Variants in DNAH11 observed in about 807,000 individuals in gnomAD.
The protein encoded by DNAH11 is axonemal beta dynein heavy chain 11.
A neutral mutation model predicts 526.0 loss-of-function variants in DNAH11; 442 were observed. The observed-to-expected ratio is 0.84, with a 90% CI of 0.78 to 0.91. DNAH11 has a LOEUF of 0.91. Ranked by LOEUF, DNAH11 falls within the 40% of genes least tolerant of loss-of-function variation. The probability of loss-of-function intolerance (pLI) is 0.00; values close to 1 mark genes in which losing one functional copy is unlikely to be tolerated. For synonymous variants in DNAH11, 2,461 were observed against 1,935.9 expected (o/e 1.27, Z -7.12); for missense variants, 6,989 against 5,448.7 (o/e 1.28, Z -8.90).
chr7:21,846,016 A>C (rs772664681), intron 66 of DNAH11, among the ~76,000 whole-genome samples: 4 of 152,162 alleles, frequency 2.6e-5, no homozygotes, highest in African/African-American at 7.2e-5. Context: ...TTGTGTTTTA[A>C]ATTTCAAATT....
intron 30 of DNAH11, among the ~76,000 whole-genome samples, chr7:21,679,157 G>A (rs762004682): frequency 2.6e-5 from 4 of 151,868 alleles, no homozygotes; most frequent in Non-Finnish European, 5.9e-5. Context: ...GACAAATACT[G>A]CATAATCTCA....
chr7:21,870,014 C>T (rs1783435084), intron 73 of DNAH11, among the ~76,000 whole-genome samples: 1 of 152,176 alleles, frequency 6.6e-6, no homozygotes, highest in Admixed American at 6.5e-5. Flanking sequence ...CTGAGTCATG[C>T]AAAGGTTCTC....
At position 21,717,825 on chromosome 7, in the gene DNAH11, A is replaced by G; in HGVS notation, c.7034A>G (p.Asn2345Ser). Reference protein sequence around the residue: ...DRRRHQSEKANLTILFDKYVP... With the variant: ...DRRRHQSEKASLTILFDKYVP... ...AGGCGGCATCAATCAGAAAAGGCCA[A>G]TTTGACTATTCTTTTTGATAAATAT... Residue 2345 changes from asparagine (N) to serine (S), a missense_variant, in exon 43 of 82, where the codon AAT (asparagine) becomes AGT (serine). By Grantham distance (46) the Asn-to-Ser change is conservative. Transcript: ENST00000409508. 8 of 1,613,882 alleles carry G rather than the reference A, an allele frequency of 5.0e-6. No homozygotes were observed. The highest frequency in any genetic ancestry group is 1.1e-5 in the South Asian group (1 of 91,080).
intron 8 of DNAH11, among the ~76,000 whole-genome samples, chr7:21,573,619 C>G (rs1411051788): frequency 2.0e-5 from 3 of 152,070 alleles, no homozygotes; most frequent in African/African-American, 4.8e-5. Context: ...GTTCCTTGTA[C>G]TTTGACTTCA....
chr7:21,790,416 C>T (rs2127989094), intron 61 of DNAH11, among the ~76,000 whole-genome samples: 1 of 152,230 alleles, frequency 6.6e-6, no homozygotes, highest in East Asian at 1.9e-4. Context: ...CACCACTGCA[C>T]TCCAGCCTGG....
At chr7:21,619,929 C>G (rs939203528) in intron 24 of DNAH11, 27 bp from the exon 25 acceptor site, 1 of 1,294,714 alleles carries the variant, frequency 7.7e-7, no homozygotes, top group African/African-American at 1.9e-5. Flanking sequence ...AAATTTTGTG[C>G]ACATTAATTA....
rs1784818067 is a variant in DNAH11, at chr7:21,901,254, A to AGGTAACACTG, written c.*2_*11dup. ...GAGTGGCTCTGCTTCTAGAAGCGTA[A>AGGTAACACTG]GGTAACACTGGCATTCCTCTAGCCT... On this transcript the variant is annotated 3_prime_UTR_variant, in exon 82 of 82. Coordinates refer to ENST00000409508, the MANE Select transcript of DNAH11 (RefSeq NM_001277115.2). The AGGTAACACTG allele has an allele frequency of 1.2e-6, 2 of 1,600,482 alleles. No homozygotes were observed. Among genetic ancestry groups the AGGTAACACTG allele is most frequent in the Non-Finnish European group, 1.7e-6 (2 of 1,173,500 alleles).
In DNAH11 at chr7:21,637,596, T is replaced by G; in HGVS notation, c.4726-15T>G. ...TGTTCTAATATCCACGGCCCCGTATTGTACTTTCATGCAGGAGTTAATGTT... is the reference window on the plus strand; with the variant it reads ...TGTTCTAATATCCACGGCCCCGTATGGTACTTTCATGCAGGAGTTAATGTT... On this transcript the variant is annotated splice_polypyrimidine_tract_variant and intron_variant, in intron 26 of 81. Transcript: ENST00000409508. 1 of 1,519,296 alleles carries G rather than the reference T, an allele frequency of 6.6e-7. No homozygotes were observed. Among genetic ancestry groups the G allele is most frequent in the South Asian group, 1.2e-5 (1 of 84,220 alleles). The allele number at this position is 1,519,296 out of a possible 1,614,324, so 94.1% of individuals were successfully genotyped here. A position where few individuals can be genotyped will look rare whatever the true frequency, so the allele number is the denominator to read the frequency against.
At position 21,867,642 on chromosome 7, in the gene DNAH11, G is replaced by T. The variant is rs373273474; in HGVS notation, c.11691-217G>T. On this transcript the variant is annotated intron_variant, in intron 71 of 81. Transcript: ENST00000409508. ...AGTAGCCCCCCAAAATGGAATGTAG[G>T]CTTCTGATTTTCAGAGCTTCTAAGG... 1.2e-4 allele frequency among the ~76,000 whole-genome samples: 19 copies of T among 152,140 alleles called. 1 individual carries two copies. In the East Asian group the frequency reaches 2.5e-3, roughly 20 times the overall value.
chr7:21,642,010 T>C (rs1274833864), intron 28 of DNAH11, among the ~76,000 whole-genome samples: 1 of 151,848 alleles, frequency 6.6e-6, no homozygotes, highest in African/African-American at 2.4e-5. Flanking sequence ...CAAAGGGAGG[T>C]GGGTATTTCT....
intron 57 of DNAH11, among the ~76,000 whole-genome samples, chr7:21,781,755 A>T (rs1175014090): frequency 1.3e-5 from 2 of 152,170 alleles, no homozygotes; most frequent in African/African-American, 4.8e-5. Flanking sequence ...CATGACAAAA[A>T]TACCACATGG....
chr7:21,726,860 CAAAA>C (rs1166791175), intron 45 of DNAH11, among the ~76,000 whole-genome samples: 5 of 13,808 alleles, frequency 3.6e-4, no homozygotes, highest in Non-Finnish European at 4.2e-4. Flanking sequence ...GACTCTGTCT[CAAAA>C]AAAAAAAAAA....
In DNAH11 at chr7:21,619,134, C is replaced by T. The variant is rs768979467; in HGVS notation, c.4289C>T (p.Ala1430Val). Residue 1430 changes from alanine to valine, a missense_variant, in exon 24 of 82, where the codon GCA becomes GTA. By Grantham distance (64) the Ala-to-Val change is moderately conservative. Transcript: ENST00000409508. Reference sequence around the variant, plus strand: ...TTAATAAATGAAGCCACAACTTTGGCAGATTTGTTAGCACTGCGGTTACAC... The same window carrying T: ...TTAATAAATGAAGCCACAACTTTGGTAGATTTGTTAGCACTGCGGTTACAC... ...KFLINEATTL[A>V]DLLALRLHRV... 1 of 1,613,536 alleles carries T rather than the reference C, an allele frequency of 6.2e-7. No homozygotes were observed. Among genetic ancestry groups the T allele is most frequent in the Non-Finnish European group, 8.5e-7 (1 of 1,179,664 alleles).
At chr7:21,653,263 G>A (rs17747874) in intron 28 of DNAH11, among the ~76,000 whole-genome samples, 12,462 of 152,180 alleles carry the variant, frequency 0.082, 598 homozygotes, top group South Asian at 0.13. Context: ...TAACAAATAC[G>A]AAGCAATCTC....
chr7:21,739,547 A>G (rs1225782767), intron 47 of DNAH11, 24 bp from the exon 48 acceptor site: 3 of 1,592,368 alleles, frequency 1.9e-6, no homozygotes, highest in Non-Finnish European at 2.6e-6. Flanking sequence ...TTTTGGATTT[A>G]AGGTTCTGTT....
chr7:21,896,732 A>G (rs761815785), intron 79 of DNAH11, among the ~76,000 whole-genome samples: 3 of 152,044 alleles, frequency 2.0e-5, no homozygotes, highest in Non-Finnish European at 1.5e-5. Flanking sequence ...GATCTTCATT[A>G]TATCTTCAAC....
chr7:21,744,792 C>G, intron 50 of DNAH11, 78 bp from the exon 51 acceptor site: 1 of 1,516,046 alleles, frequency 6.6e-7, no homozygotes, highest in Middle Eastern at 1.7e-4. Context: ...AAGCTTTTCC[C>G]TTGCTAGGCC....
chr7:21,859,566 G>T (rs1434395932), intron 68 of DNAH11, among the ~76,000 whole-genome samples: 1 of 152,122 alleles, frequency 6.6e-6, no homozygotes, highest in Non-Finnish European at 1.5e-5. Context: ...CTTTGTTAAT[G>T]CCTTCTTACC....
At chr7:21,864,235 A>C (rs1583787558) in intron 69 of DNAH11, among the ~76,000 whole-genome samples, 1 of 152,164 alleles carries the variant, frequency 6.6e-6, no homozygotes, top group East Asian at 1.9e-4. Context: ...GACAAGTTTG[A>C]TCTAATAATA....
Sources: gnomAD v4.1 joint callset for allele counts (sites outside exome capture counted in the v4.1 genomes callset) on GRCh38, gnomAD v4.1.1 for gene constraint, MANE v1.5 for transcripts, NCBI Gene and HGNC (gene_info 2026-07-23, HGNC 2026-07-21) for gene names.